The following ATP2C2 variants were observed in gnomAD, a reference collection of about 807,000 sequenced individuals.
The protein encoded by ATP2C2 is ATPase secretory pathway Ca2+ transporting 2.
In ATP2C2, 171 loss-of-function variants were observed where a neutral mutation model predicts 110.8. The ratio of observed to expected loss-of-function variants is 1.54; its 90% confidence interval spans 1.36 to 1.75. ATP2C2 has a LOEUF of 1.75. ATP2C2 is among the 40% of genes most tolerant of loss of function. ATP2C2 has a pLI of 0.00. For missense variants in ATP2C2, 1,963 were observed against 1,235.0 expected (o/e 1.59, Z -8.84); for synonymous variants, 804 against 508.4 (o/e 1.58, Z -7.82).
intron 10 of ATP2C2, 60 bp from the exon 11 acceptor site, chr16:84,425,671 ATCCC>A: frequency 6.4e-7 from 1 of 1,556,188 alleles, no homozygotes; most frequent in Non-Finnish European, 8.9e-7. Flanking sequence ...GTGAGTTTGA[ATCCC>A]TCCAGGCATC....
At chr16:84,462,465 A>G (rs1028452118) in intron 26 of ATP2C2, 5 of 217,752 alleles carry the variant, frequency 2.3e-5, no homozygotes, top group Admixed American at 2.1e-4. Flanking sequence ...CCTGGGAGGT[A>G]CCCCAGCTGG....
At chr16:84,410,653 C>G (rs1450361345) in intron 5 of ATP2C2, 50 bp downstream of exon 5, 1 of 1,613,552 alleles carries the variant, frequency 6.2e-7, no homozygotes, top group African/African-American at 1.3e-5. Context: ...GGGACAGGAG[C>G]TTCATGGAGT....
chr16:84,414,975 G>A (rs760470332), intron 6 of ATP2C2, among the ~76,000 whole-genome samples: 3 of 152,148 alleles, frequency 2.0e-5, no homozygotes, highest in Non-Finnish European at 4.4e-5. Flanking sequence ...GGCAAGCGGC[G>A]GTGGTGTGGG....
chr16:84,371,049 A>G (rs1407208637), intron 1 of ATP2C2, among the ~76,000 whole-genome samples: 1 of 152,196 alleles, frequency 6.6e-6, no homozygotes, highest in Non-Finnish European at 1.5e-5. Flanking sequence ...AAAGGAGGCC[A>G]ATGGTCAGCT....
intron 1 of ATP2C2, among the ~76,000 whole-genome samples, chr16:84,378,331 C>T (rs538994166): frequency 1.2e-4 from 18 of 152,244 alleles, no homozygotes; most frequent in Middle Eastern, 3.4e-3. Context: ...CCTCCGTCGC[C>T]GGCCACATGG....
chr16:84,374,442 T>A (rs1910137825), intron 1 of ATP2C2, among the ~76,000 whole-genome samples: 1 of 152,214 alleles, frequency 6.6e-6, no homozygotes, highest in Non-Finnish European at 1.5e-5. Flanking sequence ...TCTGTGTTGA[T>A]CAGACAGTCA....
At position 84,410,711 on chromosome 16, in the gene ATP2C2, G is replaced by A. The variant is rs1906203673; in HGVS notation, c.461G>A (p.Arg154Lys). Reference protein sequence around the residue: ...VVTVAFIQEYRSEKSLEELTK... With the variant: ...VVTVAFIQEYKSEKSLEELTK... ...TGATGTGCTTCCTGCCAGGAGTACA[G>A]GTCGGAGAAATCTCTGGAAGAGCTG... The change falls in exon 6 of 27, where the codon AGG (arginine) becomes AAG (lysine). Residue 154 changes from arginine to lysine, a missense_variant. Transcript: ENST00000262429. 6.2e-7 allele frequency: 1 copy of A among 1,614,064 alleles called. No individual in the cohort carries two copies. The highest frequency in any genetic ancestry group is 1.3e-5 in the African/African-American group (1 of 74,932).
rs752178731 is a variant in ATP2C2, at chr16:84,422,454, A to ACAGC, written c.691_694dup (p.Pro232GlnfsTer45). ...GAAGCCGAGCCATGTAGTAAAACAG[A>ACAGC]CAGCCCCTTGACAGGCGGTGGGGAC... On this transcript the variant is annotated frameshift_variant, in exon 8 of 27. Coordinates refer to ENST00000262429, the MANE Select transcript of ATP2C2 (RefSeq NM_014861.4). LOFTEE classifies it high-confidence loss of function. 1.5e-5 allele frequency: 25 copies of ACAGC among 1,613,918 alleles called. No individual in the cohort carries two copies. The highest frequency in any genetic ancestry group is 2.1e-5 in the Non-Finnish European group (25 of 1,180,034).
intron 1 of ATP2C2, among the ~76,000 whole-genome samples, chr16:84,385,042 C>G (rs1441376114): frequency 6.6e-6 from 1 of 152,142 alleles, no homozygotes; most frequent in East Asian, 1.9e-4. Context: ...GAGTGAGACT[C>G]TGTCTCAAAA....
chr16:84,451,771 G>A, intron 17 of ATP2C2, 150 bp from the exon 18 acceptor site: 2 of 773,498 alleles, frequency 2.6e-6, no homozygotes, highest in Admixed American at 2.4e-5. Context: ...CCAGGAGGCA[G>A]AGGCTGCAGT....
intron 3 of ATP2C2, 39 bp downstream of exon 3, chr16:84,405,283 A>C (rs1257923602): frequency 5.8e-6 from 9 of 1,542,648 alleles, no homozygotes; most frequent in Non-Finnish European, 8.0e-6. Context: ...TAACATGCAT[A>C]AGCCAGCGAG....
intron 2 of ATP2C2, among the ~76,000 whole-genome samples, chr16:84,400,126 C>T (rs1345285583): frequency 1.3e-5 from 2 of 152,076 alleles, no homozygotes; most frequent in Non-Finnish European, 2.9e-5. Context: ...CATAGTACTC[C>T]ATTGTGTATA....
chr16:84,459,474 A>G (rs3743655), intron 23 of ATP2C2, 88 bp downstream of exon 23: 436,789 of 1,599,168 alleles, frequency 0.27, 62,823 homozygotes, highest in Non-Finnish European at 0.3. Flanking sequence ...CCAAGGCTAT[A>G]GGGATGAACA....
rs1485703435 is a variant in ATP2C2, at chr16:84,442,382, C to T, written c.1312-128C>T. On this transcript the variant is annotated intron_variant, in intron 14 of 26. Coordinates refer to ENST00000262429, the MANE Select transcript of ATP2C2 (RefSeq NM_014861.4). ...CGATGTTTCTTTTAAAAAGCCGGGA[C>T]GCTGAGTTGTTTTAAAGAGCAAGTC... The T allele has an allele frequency of 1.1e-4, 85 of 804,616 alleles. 1 individual carries two copies. Among genetic ancestry groups the T allele is most frequent in the South Asian group, 7.5e-5 (5 of 67,082 alleles). 49.8% of individuals were successfully genotyped at this position (804,616 alleles called of 1,614,324 possible). A position where few individuals can be genotyped will look rare whatever the true frequency, so the allele number is the denominator to read the frequency against.
intron 16 of ATP2C2, 94 bp from the exon 17 acceptor site, chr16:84,448,439 G>T (rs1909957832): frequency 7.0e-7 from 1 of 1,423,606 alleles, no homozygotes; most frequent in African/African-American, 1.4e-5. Flanking sequence ...AGATCCCCGT[G>T]TGTGTCTTTG....
Position 84,459,202 on chromosome 16 carries a change from A to C in ATP2C2, c.2216+14A>C. 1 of 1,614,248 alleles carries C rather than the reference A, an allele frequency of 6.2e-7. No homozygotes were observed. Among genetic ancestry groups the C allele is most frequent in the South Asian group, 1.1e-5 (1 of 91,090 alleles). Reference sequence around the variant, plus strand: ...CCAGCTGAGCACGTAAGTAGAGGCCAGCATTCCGAGTGTCATTAAGCACCA... The same window carrying C: ...CCAGCTGAGCACGTAAGTAGAGGCCCGCATTCCGAGTGTCATTAAGCACCA... On this transcript the variant is annotated intron_variant, in intron 22 of 26. Transcript: ENST00000262429.
chr16:84,414,042 C>A (rs1409550480), intron 6 of ATP2C2, among the ~76,000 whole-genome samples: 1 of 152,152 alleles, frequency 6.6e-6, no homozygotes, highest in Admixed American at 6.5e-5. Flanking sequence ...AAAAACCCCA[C>A]TGAGATGTAA....
intron 7 of ATP2C2, among the ~76,000 whole-genome samples, chr16:84,421,066 A>C (rs1907289169): frequency 1.3e-5 from 2 of 152,158 alleles, no homozygotes; most frequent in African/African-American, 4.8e-5. Flanking sequence ...TCGGCCTCCC[A>C]AAGTGCTGGG....
intron 15 of ATP2C2, among the ~76,000 whole-genome samples, 156 bp from the exon 16 acceptor site, chr16:84,446,173 C>A (rs1362630881): frequency 2.0e-5 from 3 of 150,234 alleles, no homozygotes; most frequent in Non-Finnish European, 4.4e-5. Flanking sequence ...CTAGGTGGGA[C>A]ATTCCAAGAG....
Sources: gnomAD v4.1 joint callset for allele counts (sites outside exome capture counted in the v4.1 genomes callset) on GRCh38, gnomAD v4.1.1 for gene constraint, MANE v1.5 for transcripts, NCBI Gene and HGNC (gene_info 2026-07-23, HGNC 2026-07-21) for gene names.